CNTN6: variants seen among roughly 807,000 people sequenced by gnomAD.
The protein encoded by CNTN6 is contactin 6, also known as contactin-6.
A neutral mutation model predicts 122.8 loss-of-function variants in CNTN6; 137 were observed. The observed-to-expected ratio is 1.12, with a 90% CI of 0.97 to 1.29. CNTN6 has a LOEUF of 1.29. Ranked by LOEUF, CNTN6 falls within the 50% of genes most tolerant of loss-of-function variation. CNTN6 has a pLI of 0.00. For missense variants in CNTN6, 1,634 were observed against 1,223.4 expected (o/e 1.34, Z -5.01); for synonymous variants, 570 against 426.0 (o/e 1.34, Z -4.16).
chr3:1,264,233 G>A (rs781772839), intron 4 of CNTN6, among the ~76,000 whole-genome samples: 18 of 152,210 alleles, frequency 1.2e-4, no homozygotes, highest in Admixed American at 2.6e-4. Flanking sequence ...TACTGCAAAG[G>A]TAAACCTGTA....
chr3:1,389,398 T>A (rs1441447027), intron 20 of CNTN6, among the ~76,000 whole-genome samples: 8 of 151,888 alleles, frequency 5.3e-5, no homozygotes, highest in African/African-American at 1.2e-4. Flanking sequence ...GCCCTAAAAG[T>A]GCTCCTGAAG....
In CNTN6 at chr3:1,295,446, T is replaced by C. The variant is rs750941246; in HGVS notation, c.455-155T>C. ...AGCTATATTTCAATATAAGGGAATATTACAATTACACCAGATGACAGCTAT... is the reference window on the plus strand; with the variant it reads ...AGCTATATTTCAATATAAGGGAATACTACAATTACACCAGATGACAGCTAT... On this transcript the variant is annotated intron_variant, in intron 5 of 22. Coordinates refer to ENST00000446702, the MANE Select transcript of CNTN6 (RefSeq NM_001289080.2). Among the ~76,000 whole-genome samples, 7 of 152,152 alleles carry C rather than the reference T, an allele frequency of 4.6e-5. No individual in the cohort carries two copies. In the South Asian group the frequency reaches 1.4e-3, roughly 31 times the overall value.
intron 2 of CNTN6, among the ~76,000 whole-genome samples, chr3:1,199,994 T>A (rs62229395): frequency 6.6e-6 from 1 of 152,308 alleles, no homozygotes; most frequent in Non-Finnish European, 1.5e-5. Flanking sequence ...AAGGCCTACA[T>A]TTTCATAGAT....
chr3:1,189,965 C>T (rs1200044669), intron 2 of CNTN6, among the ~76,000 whole-genome samples: 1 of 152,194 alleles, frequency 6.6e-6, no homozygotes, highest in Non-Finnish European at 1.5e-5. Context: ...TTGTATTAGT[C>T]AGCTCAGTCT....
At chr3:1,245,629 A>G (rs1478611599) in intron 4 of CNTN6, among the ~76,000 whole-genome samples, 1 of 151,464 alleles carries the variant, frequency 6.6e-6, no homozygotes, top group Non-Finnish European at 1.5e-5. Flanking sequence ...AGAAATCACC[A>G]CTAAAAAGCT....
chr3:1,127,113 C>T (rs1574945621), intron 1 of CNTN6, among the ~76,000 whole-genome samples: 1 of 151,552 alleles, frequency 6.6e-6, no homozygotes, highest in Non-Finnish European at 1.5e-5. Flanking sequence ...ATACATGCTT[C>T]TGTAAAAGTG....
At chr3:1,125,555 G>A (rs996593705) in intron 1 of CNTN6, among the ~76,000 whole-genome samples, 1 of 151,730 alleles carries the variant, frequency 6.6e-6, no homozygotes, top group Admixed American at 6.6e-5. Context: ...AACCAGGTCA[G>A]AATAAAAATG....
intron 4 of CNTN6, among the ~76,000 whole-genome samples, chr3:1,237,602 G>T (rs998808981): frequency 6.6e-6 from 1 of 152,132 alleles, no homozygotes; most frequent in Non-Finnish European, 1.5e-5. Flanking sequence ...TAGTCATTAG[G>T]TTATCTAAAG....
intron 4 of CNTN6, among the ~76,000 whole-genome samples, chr3:1,251,341 G>A (rs1246269973): frequency 1.3e-5 from 2 of 152,102 alleles, no homozygotes; most frequent in Admixed American, 1.3e-4. Context: ...ATGGACTCCA[G>A]CAATACTTTG....
rs181047273 is a variant in CNTN6 at position 1,130,953 on chromosome 3, G to A, written c.-82-16974G>A. 8.5e-5 allele frequency among the ~76,000 whole-genome samples: 13 copies of A among 152,198 alleles called. 1 individual carries two copies. Among genetic ancestry groups the A allele is most frequent in the African/African-American group, 3.1e-4 (13 of 41,542 alleles). On this transcript the variant is annotated intron_variant, in intron 1 of 22. Transcript: ENST00000446702. ...TGTACTTTGTCTCCAGAGATTCTTT[G>A]AGTGTAAATAACATAGACAAAATCA...
intron 2 of CNTN6, among the ~76,000 whole-genome samples, chr3:1,159,673 A>C (rs978123678): frequency 1.3e-5 from 2 of 151,974 alleles, no homozygotes; most frequent in African/African-American, 4.8e-5. Flanking sequence ...AAATTGACAG[A>C]ACAATTAATC....
intron 4 of CNTN6, among the ~76,000 whole-genome samples, chr3:1,255,450 G>A (rs2094740531): frequency 6.7e-6 from 1 of 149,692 alleles, no homozygotes; most frequent in Non-Finnish European, 1.5e-5. Context: ...AGAAAGAAAG[G>A]AATTGTGGAG....
intron 7 of CNTN6, among the ~76,000 whole-genome samples, chr3:1,300,457 A>ATTC (rs1697029010): frequency 1.9e-5 from 1 of 52,634 alleles, no homozygotes; most frequent in African/African-American, 7.3e-5. Flanking sequence ...TTCAGGAAGG[A>ATTC]AGGAAGGAAG....
chr3:1,361,716 T>C (rs1047457167), intron 12 of CNTN6, among the ~76,000 whole-genome samples: 1 of 151,998 alleles, frequency 6.6e-6, no homozygotes, highest in African/African-American at 2.4e-5. Flanking sequence ...CACACCAACC[T>C]CCCACTGATG....
chr3:1,357,075 C>A (rs1291657270), intron 12 of CNTN6, among the ~76,000 whole-genome samples: 1 of 151,694 alleles, frequency 6.6e-6, no homozygotes, highest in Non-Finnish European at 1.5e-5. Flanking sequence ...TGACATATAG[C>A]TGTGTTTTTT....
intron 4 of CNTN6, among the ~76,000 whole-genome samples, chr3:1,237,623 G>C (rs1376175684): frequency 6.6e-6 from 1 of 152,052 alleles, no homozygotes; most frequent in Non-Finnish European, 1.5e-5. Flanking sequence ...TTGAGACAAA[G>C]GAAAGACTCT....
chr3:1,096,703 G>T (rs2090545176), intron 1 of CNTN6, among the ~76,000 whole-genome samples: 1 of 152,120 alleles, frequency 6.6e-6, no homozygotes, highest in African/African-American at 2.4e-5. Context: ...TCAGCTGGCA[G>T]GTTTTTGGGC....
At chr3:1,331,882 A>T (rs1575736490) in intron 11 of CNTN6, among the ~76,000 whole-genome samples, 1 of 151,482 alleles carries the variant, frequency 6.6e-6, no homozygotes, top group South Asian at 2.1e-4. Flanking sequence ...CAGGAGGGAA[A>T]CTGCTTTTTA....
intron 1 of CNTN6, among the ~76,000 whole-genome samples, chr3:1,139,487 T>A (rs967406885): frequency 6.6e-6 from 1 of 152,146 alleles, no homozygotes; most frequent in Non-Finnish European, 1.5e-5. Context: ...AAAACTATTA[T>A]GCCCTAATCT....
Sources: allele counts gnomAD v4.1 joint callset (sites outside exome capture counted in the v4.1 genomes callset), GRCh38; gene constraint gnomAD v4.1.1; transcripts MANE v1.5; gene names NCBI Gene and HGNC (gene_info 2026-07-23, HGNC 2026-07-21).